The following TTC6 variants were observed in gnomAD, a reference collection of about 807,000 sequenced individuals.
TTC6 encodes the protein tetratricopeptide repeat protein 6.
In TTC6, 172 loss-of-function variants were observed where a neutral mutation model predicts 210.4. That is an observed-to-expected ratio of 0.82 (90% CI 0.72 to 0.93). TTC6 has a LOEUF of 0.93. TTC6 is among the 40% of genes least tolerant of loss of function. The pLI, the probability that TTC6 is intolerant of heterozygous loss-of-function variation, is 0.00. For missense variants in TTC6, 2,414 were observed against 2,318.1 expected (o/e 1.04, Z -0.85); for synonymous variants, 804 against 819.6 (o/e 0.98, Z 0.32).
intron 21 of TTC6, 105 bp from the exon 24 acceptor site, chr14:37,806,256 A>T: frequency 2.6e-6 from 3 of 1,175,804 alleles, no homozygotes; most frequent in Non-Finnish European, 3.4e-6. Flanking sequence ...ATCCAAAAAT[A>T]GAGTGAAACT....
At chr14:37,662,078 T>C (rs982639212) in intron 1 of TTC6, among the ~76,000 whole-genome samples, 1 of 152,132 alleles carries the variant, frequency 6.6e-6, no homozygotes, top group African/African-American at 2.4e-5. Context: ...TTTCTAGATA[T>C]AGGATCATGT....
Position 37,598,698 on chromosome 14 carries a change from G to C in TTC6, c.-235+2690G>C, listed in dbSNP as rs1021440714. Among the ~76,000 whole-genome samples, 1 of 152,178 alleles carries C rather than the reference G, an allele frequency of 6.6e-6. No homozygotes were observed. The highest frequency in any genetic ancestry group is 1.5e-5 in the Non-Finnish European group (1 of 68,034). On this transcript the variant is annotated intron_variant, in intron 1 of 2. Transcript: ENST00000556845. This position sits in a 1 kb window ranked among gnomAD's most constrained non-coding sequence, Gnocchi z 4.9. ...CCCCGGGCCCAGACGGCGGCCTCTC[G>C]CGGCGACAGGGTCCTTCCTATTTAG...
intron 26 of TTC6, among the ~76,000 whole-genome samples, chr14:37,822,376 C>A (rs1472214172): frequency 1.3e-5 from 2 of 152,150 alleles, no homozygotes; most frequent in African/African-American, 4.8e-5. Flanking sequence ...AAGAGATACT[C>A]TTGAGTAACC....
Position 37,598,414 on chromosome 14 carries a change from C to G in TTC6, c.-235+2406C>G, listed in dbSNP as rs1450478203. Among the ~76,000 whole-genome samples the G allele has an allele frequency of 6.6e-6, 1 of 152,190 alleles. No individual in the cohort carries two copies. Among genetic ancestry groups the G allele is most frequent in the Non-Finnish European group, 1.5e-5 (1 of 68,024 alleles). ...GTGAGGACTGTAGGGTGCGCGGGTA[C>G]TCCGGGTAGCCGCCAGCGGAGGAAG... On this transcript the variant is annotated intron_variant, in intron 1 of 2. Coordinates refer to the TTC6 transcript ENST00000556845. This position sits in a 1 kb window ranked among gnomAD's most constrained non-coding sequence, Gnocchi z 4.9.
At chr14:37,764,762 TTTACATTTAA>T (rs1371528022) in intron 14 of TTC6, among the ~76,000 whole-genome samples, 1 of 151,950 alleles carries the variant, frequency 6.6e-6, no homozygotes, top group Non-Finnish European at 1.5e-5. Context: ...ATTTAACCTA[TTTACATTTAA>T]TGCAATTAAT....
chr14:37,787,124 A>G (rs988523095), intron 14 of TTC6, among the ~76,000 whole-genome samples: 3 of 152,218 alleles, frequency 2.0e-5, no homozygotes, highest in Non-Finnish European at 2.9e-5. Context: ...GCAATTTTGT[A>G]TAAATTAGTG....
At chr14:37,629,394 T>C (rs2095665584) in intron 1 of TTC6, among the ~76,000 whole-genome samples, 1 of 152,212 alleles carries the variant, frequency 6.6e-6, no homozygotes, top group Non-Finnish European at 1.5e-5. Flanking sequence ...CATTCATGAT[T>C]TGGCTCTCTG....
chr14:37,792,773 ATGT>A (rs2096083072), intron 17 of TTC6, among the ~76,000 whole-genome samples: 2 of 133,990 alleles, frequency 1.5e-5, no homozygotes, highest in African/African-American at 5.9e-5. Flanking sequence ...CTATGGTCCA[ATGT>A]TGTGTGTGTG....
chr14:37,841,662 T>G, exon 30 of TTC6: 1 of 1,599,254 alleles, frequency 6.3e-7, no homozygotes, highest in South Asian at 1.2e-5. Context: ...GAGGAAGACC[T>G]TAATAAAGGT....
At chr14:37,705,804 T>C (rs2095834387) in intron 5 of TTC6, among the ~76,000 whole-genome samples, 1 of 152,204 alleles carries the variant, frequency 6.6e-6, no homozygotes, top group Admixed American at 6.5e-5. Flanking sequence ...CCCTGATTAT[T>C]TGGGGAGGTT....
chr14:37,742,466 A>G (rs959804392), intron 10 of TTC6, among the ~76,000 whole-genome samples: 13 of 151,656 alleles, frequency 8.6e-5, no homozygotes, highest in Non-Finnish European at 1.2e-4. Context: ...CTGGAGTGCA[A>G]TGGTGTGATC....
intron 14 of TTC6, among the ~76,000 whole-genome samples, chr14:37,772,199 C>G (rs1378442315): frequency 6.6e-6 from 1 of 152,172 alleles, no homozygotes; most frequent in Non-Finnish European, 1.5e-5. Context: ...AACCACTGCT[C>G]TCTTCAAAGC....
chr14:37,806,981 T>C (rs2096119756), intron 22 of TTC6, among the ~76,000 whole-genome samples: 1 of 152,186 alleles, frequency 6.6e-6, no homozygotes, highest in South Asian at 2.1e-4. Context: ...GCAGTGTGGT[T>C]ATGTACGAGA....
At chr14:37,721,847 CAT>C (rs35265224) in intron 6 of TTC6, among the ~76,000 whole-genome samples, 41,033 of 116,728 alleles carry the variant, frequency 0.35, 6,709 homozygotes, top group South Asian at 0.47. Flanking sequence ...TGAGTTTCAC[CAT>C]ATATATATAT....
chr14:37,794,215 T>C (rs2096086981), intron 17 of TTC6, among the ~76,000 whole-genome samples: 1 of 152,208 alleles, frequency 6.6e-6, no homozygotes, highest in South Asian at 2.1e-4. Flanking sequence ...TGAATAGGGT[T>C]AGCTTAGGAA....
intron 7 of TTC6, among the ~76,000 whole-genome samples, chr14:37,725,348 A>ATATGTATATATATATATATATATATATG: frequency 8.8e-6 from 1 of 113,274 alleles, no homozygotes; most frequent in South Asian, 2.9e-4. Context: ...ATATATATAT[A>ATATGTATATATATATATATATATATATG]TATATATATA....
chr14:37,662,783 C>T (rs1326050471), intron 1 of TTC6, among the ~76,000 whole-genome samples: 1 of 152,158 alleles, frequency 6.6e-6, no homozygotes, highest in Non-Finnish European at 1.5e-5. Context: ...GTTTTTGTAT[C>T]AGTACTATGC....
rs149946968 is a variant in TTC6 at position 37,636,900 on chromosome 14, T to C, written c.939+13897T>C. 2.7e-3 allele frequency among the ~76,000 whole-genome samples: 407 copies of C among 152,312 alleles called. 4 individuals carry two copies. Among genetic ancestry groups the C allele is most frequent in the African/African-American group, 9.3e-3 (387 of 41,560 alleles). On this transcript the variant is annotated intron_variant, in intron 1 of 30. Transcript: ENST00000553443. ...AGTGGGAGGTATCAGTGTACTTTAT[T>C]GCAAGCTTTATTATTTAGGTATAGT...
At chr14:37,752,711 T>C (rs1428310781) in intron 13 of TTC6, among the ~76,000 whole-genome samples, 1 of 152,146 alleles carries the variant, frequency 6.6e-6, no homozygotes, top group East Asian at 1.9e-4. Flanking sequence ...GATTAATATA[T>C]ATTTTATGTG....
Sources: allele counts gnomAD v4.1 joint callset (sites outside exome capture counted in the v4.1 genomes callset), GRCh38; gene constraint gnomAD v4.1.1; non-coding constraint Gnocchi (gnomAD v3.1); transcripts MANE v1.5; gene names NCBI Gene and HGNC (gene_info 2026-07-23, HGNC 2026-07-21).